The following CHRM3 variants were observed in gnomAD, a reference collection of about 807,000 sequenced individuals.
CHRM3 encodes the protein muscarinic acetylcholine receptor M3.
A neutral mutation model predicts 41.8 loss-of-function variants in CHRM3; 11 were observed. The observed-to-expected ratio is 0.26, with a 90% confidence interval of 0.17 to 0.44. The LOEUF (loss-of-function observed/expected upper bound fraction) is 0.44, where lower values mean the gene tolerates loss of function less well. Among genes scored for constraint, CHRM3 ranks in the 20% least tolerant of loss-of-function variants. The pLI, the probability that CHRM3 is intolerant of heterozygous loss-of-function variation, is 1.00. For synonymous variants in CHRM3, 297 were observed against 301.4 expected (o/e 0.99, Z 0.15); for missense variants, 571 against 745.4 (o/e 0.77, Z 2.72).
chr1:239,593,221 G>A (rs1398606261), intron 3 of CHRM3, among the ~76,000 whole-genome samples: 2 of 152,110 alleles, frequency 1.3e-5, no homozygotes, highest in Non-Finnish European at 2.9e-5. Flanking sequence ...TTTTAAGCAT[G>A]ATGGAATATA....
At chr1:239,412,250 T>G (rs897225794) in intron 1 of CHRM3, among the ~76,000 whole-genome samples, 17 of 129,360 alleles carry the variant, frequency 1.3e-4, no homozygotes, top group Admixed American at 1.6e-4. Flanking sequence ...CTTTTTTTTT[T>G]GTCGTTCTCC....
chr1:239,749,495 C>T (rs1665636208), intron 5 of CHRM3, among the ~76,000 whole-genome samples: 1 of 152,100 alleles, frequency 6.6e-6, no homozygotes, highest in East Asian at 1.9e-4. Flanking sequence ...ATGGTGAAAC[C>T]TGTCTCTACT....
At chr1:239,499,057 T>A (rs1247737476) in intron 2 of CHRM3, among the ~76,000 whole-genome samples, 1 of 152,178 alleles carries the variant, frequency 6.6e-6, no homozygotes. Flanking sequence ...GAGAACTGTT[T>A]GAATTGAATT....
chr1:239,434,491 G>A (rs377740700), intron 1 of CHRM3, among the ~76,000 whole-genome samples: 3 of 152,144 alleles, frequency 2.0e-5, no homozygotes, highest in Non-Finnish European at 2.9e-5. Flanking sequence ...CACTGTGTGC[G>A]TGCCTCCTAT....
At chr1:239,503,563 A>G (rs913540494) in intron 2 of CHRM3, among the ~76,000 whole-genome samples, 7 of 152,130 alleles carry the variant, frequency 4.6e-5, no homozygotes, top group Non-Finnish European at 8.8e-5. Context: ...AAAAAATTCT[A>G]AAAATAATAT....
At chr1:239,623,498 A>ATT (rs532141328) in intron 3 of CHRM3, among the ~76,000 whole-genome samples, 29,095 of 126,082 alleles carry the variant, frequency 0.23, 3,521 homozygotes, top group Non-Finnish European at 0.26. Context: ...TTTTTTTTTA[A>ATT]TTTTTTTTTT....
chr1:239,506,942 G>A (rs1668610743), intron 2 of CHRM3, among the ~76,000 whole-genome samples: 1 of 152,028 alleles, frequency 6.6e-6, no homozygotes, highest in South Asian at 2.1e-4. Context: ...ACTTGCTTGG[G>A]GCCTGTACCC....
At chr1:239,839,047 C>G (rs770587893) in intron 6 of CHRM3, among the ~76,000 whole-genome samples, 23 of 152,200 alleles carry the variant, frequency 1.5e-4, no homozygotes, top group Non-Finnish European at 2.8e-4. Context: ...CTCAAATACA[C>G]AAAATCCAAA....
intron 3 of CHRM3, among the ~76,000 whole-genome samples, chr1:239,587,471 T>C (rs1663549971): frequency 6.6e-6 from 1 of 152,160 alleles, no homozygotes; most frequent in South Asian, 2.1e-4. Context: ...GAAAGAACTT[T>C]TTTCTCATTG....
intron 1 of CHRM3, among the ~76,000 whole-genome samples, chr1:239,476,358 T>TG (rs1558251266): frequency 6.7e-6 from 1 of 149,670 alleles, no homozygotes; most frequent in East Asian, 2.0e-4. Context: ...CCCAGCTACT[T>TG]GGGGGGCTGA....
chr1:239,632,333 G>T (rs1002111027), intron 4 of CHRM3, 47 bp downstream of exon 4: 2 of 152,162 alleles, frequency 1.3e-5, no homozygotes, highest in South Asian at 4.1e-4. Context: ...AAGGGGGATT[G>T]ATGGCCCAAT....
intron 2 of CHRM3, 119 bp downstream of exon 2, chr1:239,492,926 T>C (rs1667647181): frequency 1.3e-5 from 2 of 152,208 alleles, no homozygotes; most frequent in Admixed American, 6.5e-5. Context: ...CCAAAATTCA[T>C]CTGAGAAGAC....
Position 239,592,424 on chromosome 1 carries a change from G to C in CHRM3, c.-312-39800G>C, listed in dbSNP as rs1351378063. ...ACCCTAAAAAAGAAAACACATGCCT[G>C]TTAATAGCCATGTCATTCTCCCCAC... On this transcript the variant is annotated intron_variant, in intron 3 of 6. Coordinates refer to ENST00000676153, the MANE Select transcript of CHRM3 (RefSeq NM_001375978.1). 7.2e-5 allele frequency among the ~76,000 whole-genome samples: 11 copies of C among 152,178 alleles called. No homozygotes were observed. The South Asian group carries it at 2.3e-3, about 32-fold the overall frequency.
intron 5 of CHRM3, among the ~76,000 whole-genome samples, chr1:239,710,508 G>A (rs2148209004): frequency 6.6e-6 from 1 of 152,154 alleles, no homozygotes; most frequent in East Asian, 1.9e-4. Flanking sequence ...GATATGCTAT[G>A]GGTTTGGGTA....
At chr1:239,597,854 C>CA (rs935735397) in intron 3 of CHRM3, among the ~76,000 whole-genome samples, 2 of 96,934 alleles carry the variant, frequency 2.1e-5, no homozygotes, top group South Asian at 3.8e-4. Context: ...AAAAAACTGT[C>CA]AGAGTTTTTT....
chr1:239,425,294 A>T (rs1411689522), intron 1 of CHRM3, among the ~76,000 whole-genome samples: 7 of 152,158 alleles, frequency 4.6e-5, no homozygotes, highest in Admixed American at 2.6e-4. Flanking sequence ...TTACTCACTC[A>T]ATCATTTATT....
chr1:239,404,719 AATATATATATATATATATATAT>A (rs67746016), intron 1 of CHRM3, among the ~76,000 whole-genome samples: 89 of 97,354 alleles, frequency 9.1e-4, no homozygotes, highest in African/African-American at 2.3e-3. Flanking sequence ...GCTATATCTA[AATATATATATATATATATATAT>A]ATATATATAT....
intron 6 of CHRM3, among the ~76,000 whole-genome samples, chr1:239,880,329 C>T (rs528436362): frequency 6.6e-6 from 1 of 152,358 alleles, no homozygotes; most frequent in South Asian, 2.1e-4. Context: ...TGGAGGGTCG[C>T]TGGTCTCAGC....
intron 1 of CHRM3, among the ~76,000 whole-genome samples, chr1:239,480,963 T>C (rs1275665477): frequency 2.0e-5 from 3 of 152,190 alleles, no homozygotes; most frequent in Non-Finnish European, 4.4e-5. Flanking sequence ...CTTGCTCCCT[T>C]GTATACTAAA....
Sources: gnomAD v4.1 joint callset for allele counts (sites outside exome capture counted in the v4.1 genomes callset) on GRCh38, gnomAD v4.1.1 for gene constraint, MANE v1.5 for transcripts, NCBI Gene and HGNC (gene_info 2026-07-23, HGNC 2026-07-21) for gene names.